ICA1L: variants seen among roughly 807,000 people sequenced by gnomAD.
The protein encoded by ICA1L is islet cell autoantigen 1 like.
Under a neutral mutation model 61.3 loss-of-function variants are expected in ICA1L, and 50 were observed. The observed-to-expected ratio is 0.82, with a 90% confidence interval of 0.65 to 1.03. ICA1L has a LOEUF of 1.03. Ranked by LOEUF, ICA1L falls within the 50% of genes least tolerant of loss-of-function variation. ICA1L has a pLI of 0.00. For synonymous variants in ICA1L, 161 were observed against 191.3 expected (o/e 0.84, Z 1.31); for missense variants, 508 against 556.7 (o/e 0.91, Z 0.88).
At chr2:202,801,446 T>G (rs757680888) in intron 9 of ICA1L, among the ~76,000 whole-genome samples, 1 of 152,184 alleles carries the variant, frequency 6.6e-6, no homozygotes, top group Non-Finnish European at 1.5e-5. Context: ...ACCATTTGAG[T>G]GAATACCTCA....
chr2:202,776,608 G>C lies in ICA1L; in HGVS notation c.*2925C>G, dbSNP rs191677391. ...TTTCTTTCTGACCACAAAAACTGCT[G>C]AGCTTCAAATAACTAATCTTGAGAA... On this transcript the variant is annotated 3_prime_UTR_variant, in exon 13 of 13. Coordinates refer to ENST00000358299, the MANE Select transcript of ICA1L (RefSeq NM_001288622.3). 1.3e-5 allele frequency: 2 copies of C among 152,154 alleles called. No individual in the cohort carries two copies. Among genetic ancestry groups the C allele is most frequent in the Admixed American group, 1.3e-4 (2 of 15,272 alleles). 9.4% of individuals were successfully genotyped at this position (152,154 alleles called of 1,614,324 possible). A position where few individuals can be genotyped will look rare whatever the true frequency, so the allele number is the denominator to read the frequency against.
At chr2:202,828,262 C>G (rs1289415383) in intron 2 of ICA1L, among the ~76,000 whole-genome samples, 2 of 31,834 alleles carry the variant, frequency 6.3e-5, no homozygotes, top group Non-Finnish European at 2.1e-4. Flanking sequence ...GAACCTCCAT[C>G]CAAAAAAAAA....
chr2:202,781,412 T>TA (rs1207188554), intron 12 of ICA1L, among the ~76,000 whole-genome samples: 26 of 143,832 alleles, frequency 1.8e-4, no homozygotes, highest in South Asian at 2.2e-4. Flanking sequence ...TGTCTCTACT[T>TA]AAAAAAAAAA....
chr2:202,846,433 G>C (rs563437921), intron 1 of ICA1L, among the ~76,000 whole-genome samples: 17 of 152,016 alleles, frequency 1.1e-4, no homozygotes, highest in African/African-American at 3.6e-4. Context: ...CTAGACCAGA[G>C]ACTGGTTGCA....
At chr2:202,851,683 A>G (rs892424927) in intron 1 of ICA1L, among the ~76,000 whole-genome samples, 1 of 152,082 alleles carries the variant, frequency 6.6e-6, no homozygotes, top group African/African-American at 2.4e-5. Flanking sequence ...TTGTTTCCTG[A>G]GTTTTTAATG....
intron 1 of ICA1L, among the ~76,000 whole-genome samples, chr2:202,848,126 C>A (rs1451292795): frequency 6.6e-6 from 1 of 152,034 alleles, no homozygotes; most frequent in Non-Finnish European, 1.5e-5. Context: ...CCATGCCCGG[C>A]TAATTTTTGT....
At chr2:202,786,836 A>T in intron 11 of ICA1L, 1 of 419,164 alleles carries the variant, frequency 2.4e-6, no homozygotes, top group Non-Finnish European at 4.7e-6. Context: ...GTTGTATAAA[A>T]TGACAGTACT....
chr2:202,784,434 C>G (rs1300492698), intron 12 of ICA1L, among the ~76,000 whole-genome samples: 1 of 151,782 alleles, frequency 6.6e-6, no homozygotes, highest in Non-Finnish European at 1.5e-5. Context: ...GACTCTGTCT[C>G]CAAAAAAACA....
At chr2:202,858,609 C>T (rs988769261) in intron 1 of ICA1L, among the ~76,000 whole-genome samples, 3 of 152,154 alleles carry the variant, frequency 2.0e-5, no homozygotes, top group Admixed American at 6.6e-5. Flanking sequence ...GTATGTTCTG[C>T]ACATGTATCC....
chr2:202,836,255 T>C (rs1461303151), intron 1 of ICA1L, among the ~76,000 whole-genome samples: 2 of 152,216 alleles, frequency 1.3e-5, no homozygotes, highest in Non-Finnish European at 2.9e-5. Context: ...AATGCCTTTT[T>C]TGTATCTATT....
rs996225936 is a variant in ICA1L, at chr2:202,821,367, G to A, written c.350C>T (p.Ala117Val). The change falls in exon 4 of 13, where the codon GCC becomes GTC. Residue 117 changes from alanine to valine, a missense_variant. Ala to Val is a moderately conservative substitution (Grantham distance 64). Coordinates refer to ENST00000358299, the MANE Select transcript of ICA1L (RefSeq NM_001288622.3). ...AACAACCATGGTAAACCTTTGCTTG[G>A]CTGAAGAACAAAGTGCCTTGCCAGT... ...DATGKALCSSAKQRLALCTPL... is the reference protein window; with the variant it reads ...DATGKALCSSVKQRLALCTPL... 1 of 1,613,290 alleles carries A rather than the reference G, an allele frequency of 6.2e-7. No homozygotes were observed. The highest frequency in any genetic ancestry group is 8.5e-7 in the Non-Finnish European group (1 of 1,179,694).
At chr2:202,784,830 G>A (rs551259937) in intron 12 of ICA1L, among the ~76,000 whole-genome samples, 2 of 152,172 alleles carry the variant, frequency 1.3e-5, no homozygotes, top group South Asian at 4.2e-4. Flanking sequence ...TTGTTGAACG[G>A]GCATAAAGTT....
At chr2:202,838,067 TGATCTC>T (rs1421269246) in intron 1 of ICA1L, among the ~76,000 whole-genome samples, 3 of 152,142 alleles carry the variant, frequency 2.0e-5, no homozygotes, top group Non-Finnish European at 4.4e-5. Context: ...TTGGCCAGGC[TGATCTC>T]GATCTCCTGA....
chr2:202,803,119 T>C (rs955571968), intron 9 of ICA1L, among the ~76,000 whole-genome samples: 2 of 151,834 alleles, frequency 1.3e-5, no homozygotes, highest in Non-Finnish European at 2.9e-5. Context: ...TATAAGGACA[T>C]GGTGAGGGCT....
chr2:202,862,272 CAAAAAAAAAAAAAAAAA>C lies in ICA1L; in HGVS notation c.-8+9330_-8+9346del, dbSNP rs778355110. On this transcript the variant is annotated intron_variant, in intron 1 of 12. Transcript: ENST00000358299. The stretch of plus-strand genomic sequence containing the variant: ...GCAACACAGTAAGACCTCATTTCTA[CAAAAAAAAAAAAAAAAA>C]AAAAAAAAAAAAAAAAGGCCAGAAG... Among the ~76,000 whole-genome samples, 204 of 62,994 alleles carry C rather than the reference CAAAAAAAAAAAAAAAAA, an allele frequency of 3.2e-3. 1 individual carries two copies. The highest frequency in any genetic ancestry group is 8.1e-3 in the Admixed American group (36 of 4,468). The allele number at this position is 62,994 out of a possible 152,430, so 41.3% of individuals were successfully genotyped here.
chr2:202,785,220 T>TAAAAAAAAAAA (rs559242608), intron 12 of ICA1L, among the ~76,000 whole-genome samples: 1 of 120,286 alleles, frequency 8.3e-6, no homozygotes, highest in Non-Finnish European at 1.8e-5. Context: ...CTGTCTCAAT[T>TAAAAAAAAAAA]AAAAAAAAAA....
At chr2:202,780,455 C>T (rs1189146545) in intron 12 of ICA1L, among the ~76,000 whole-genome samples, 2 of 152,132 alleles carry the variant, frequency 1.3e-5, no homozygotes, top group East Asian at 3.8e-4. Flanking sequence ...GGCAGATATT[C>T]AAGAGTGTAT....
chr2:202,783,617 A>G (rs1692481952), intron 12 of ICA1L, among the ~76,000 whole-genome samples: 1 of 152,250 alleles, frequency 6.6e-6, no homozygotes, highest in Non-Finnish European at 1.5e-5. Context: ...AAAAGACTAA[A>G]GAGACTTTAC....
At chr2:202,797,935 T>TC (rs1292648028) in intron 9 of ICA1L, among the ~76,000 whole-genome samples, 2 of 152,178 alleles carry the variant, frequency 1.3e-5, no homozygotes, top group Non-Finnish European at 2.9e-5. Flanking sequence ...CCTTTGGCCA[T>TC]CCCCCCAGTT....
Sources: gnomAD v4.1 joint callset for allele counts (sites outside exome capture counted in the v4.1 genomes callset) on GRCh38, gnomAD v4.1.1 for gene constraint, MANE v1.5 for transcripts, NCBI Gene and HGNC (gene_info 2026-07-23, HGNC 2026-07-21) for gene names.